Variants in PPP1R16B observed in about 807,000 individuals in gnomAD.
PPP1R16B encodes protein phosphatase 1 regulatory subunit 16B.
Under a neutral mutation model 61.7 loss-of-function variants are expected in PPP1R16B, and 14 were observed. The observed-to-expected ratio is 0.23, with a 90% CI of 0.15 to 0.35. The LOEUF is 0.35. Ranked by LOEUF, PPP1R16B falls within the 10% of genes least tolerant of loss-of-function variation. The probability of loss-of-function intolerance (pLI) is 1.00; values close to 1 mark genes in which losing one functional copy is unlikely to be tolerated. For missense variants in PPP1R16B, 547 were observed against 752.5 expected (o/e 0.73, Z 3.19); for synonymous variants, 266 against 305.3 (o/e 0.87, Z 1.34).
intron 2 of PPP1R16B, among the ~76,000 whole-genome samples, chr20:38,884,187 G>A (rs1568673319): frequency 6.6e-6 from 1 of 152,244 alleles, no homozygotes; most frequent in Admixed American, 6.5e-5. Flanking sequence ...GAGATGAGCC[G>A]GGAGAGGTAG....
intron 10 of PPP1R16B, among the ~76,000 whole-genome samples, chr20:38,915,118 A>G (rs540762622): frequency 6.6e-6 from 1 of 152,296 alleles, no homozygotes; most frequent in South Asian, 2.1e-4. Context: ...AGTGTGGTAC[A>G]TATGTTATCA....
intron 4 of PPP1R16B, among the ~76,000 whole-genome samples, chr20:38,896,045 T>C (rs148053113): frequency 1.6e-5 from 2 of 128,842 alleles, no homozygotes; most frequent in African/African-American, 7.2e-5. Flanking sequence ...CTTCTTTCTT[T>C]TCTCCCTTCC....
chr20:38,840,925 C>T (rs747132583), intron 2 of PPP1R16B, among the ~76,000 whole-genome samples: 3 of 152,114 alleles, frequency 2.0e-5, no homozygotes, highest in African/African-American at 4.8e-5. Flanking sequence ...GTCAGAGCTA[C>T]GTAAGTGGTA....
chr20:38,895,306 A>C (rs748285027), intron 3 of PPP1R16B, among the ~76,000 whole-genome samples: 2 of 152,156 alleles, frequency 1.3e-5, no homozygotes, highest in Non-Finnish European at 2.9e-5. Context: ...TAGCTGACAG[A>C]GTGTTTTTTA....
chr20:38,842,312 T>A (rs2084913469), intron 2 of PPP1R16B, among the ~76,000 whole-genome samples: 1 of 152,228 alleles, frequency 6.6e-6, no homozygotes, highest in Non-Finnish European at 1.5e-5. Context: ...GCCCTTTGAT[T>A]TGGGGCCCCC....
chr20:38,863,676 G>A (rs1230377396), intron 2 of PPP1R16B, among the ~76,000 whole-genome samples: 1 of 152,210 alleles, frequency 6.6e-6, no homozygotes, highest in African/African-American at 2.4e-5. Context: ...GGAATTGCGA[G>A]AATTAAATGA....
intron 2 of PPP1R16B, among the ~76,000 whole-genome samples, chr20:38,875,146 C>T (rs916062451): frequency 6.6e-6 from 1 of 152,156 alleles, no homozygotes; most frequent in Non-Finnish European, 1.5e-5. Flanking sequence ...CCTGCAGGTC[C>T]GAGAGCTCAG....
At chr20:38,837,071 G>C (rs184880667) in intron 2 of PPP1R16B, among the ~76,000 whole-genome samples, 6 of 152,324 alleles carry the variant, frequency 3.9e-5, no homozygotes, top group Non-Finnish European at 7.3e-5. Flanking sequence ...GGCACCCTCT[G>C]AATGCTGTTC....
chr20:38,871,686 GA>G (rs2085131157), intron 2 of PPP1R16B, among the ~76,000 whole-genome samples: 1 of 140,336 alleles, frequency 7.1e-6, no homozygotes, highest in Admixed American at 7.1e-5. Flanking sequence ...AGGAGGGAGG[GA>G]GGGAAAGAAA....
At chr20:38,895,422 A>C in intron 3 of PPP1R16B, 143 bp from the exon 4 acceptor site, 1 of 962,856 alleles carries the variant, frequency 1.0e-6, no homozygotes, top group South Asian at 1.7e-5. Flanking sequence ...CAATGCTTAC[A>C]GTGTGAACAT....
At chr20:38,821,718 A>T (rs1418928756) in intron 1 of PPP1R16B, among the ~76,000 whole-genome samples, 1 of 152,128 alleles carries the variant, frequency 6.6e-6, no homozygotes, top group Non-Finnish European at 1.5e-5. Flanking sequence ...TGTAATTTCT[A>T]TGTTGCTGCT....
chr20:38,809,483 T>C (rs2084684257), intron 1 of PPP1R16B, among the ~76,000 whole-genome samples: 1 of 152,000 alleles, frequency 6.6e-6, no homozygotes, highest in African/African-American at 2.4e-5. Context: ...AGACAGATAA[T>C]GAGGACACTG....
intron 1 of PPP1R16B, among the ~76,000 whole-genome samples, chr20:38,829,837 G>A (rs1005068508): frequency 6.6e-5 from 10 of 152,196 alleles, no homozygotes; most frequent in East Asian, 5.8e-4. Flanking sequence ...GTCTATTGGG[G>A]GAAACTAGGT....
At chr20:38,851,783 G>A (rs1162186925) in intron 2 of PPP1R16B, among the ~76,000 whole-genome samples, 1 of 152,234 alleles carries the variant, frequency 6.6e-6, no homozygotes, top group Non-Finnish European at 1.5e-5. Flanking sequence ...CACTTTGGGA[G>A]GCCAAGACAG....
At chr20:38,820,621 C>T (rs567471295) in intron 1 of PPP1R16B, among the ~76,000 whole-genome samples, 339 of 151,826 alleles carry the variant, frequency 2.2e-3, no homozygotes, top group African/African-American at 7.7e-3. Context: ...GATTATAGGA[C>T]ATGCCCGTGT....
At chr20:38,811,676 C>T (rs2084701542) in intron 1 of PPP1R16B, among the ~76,000 whole-genome samples, 1 of 152,176 alleles carries the variant, frequency 6.6e-6, no homozygotes, top group African/African-American at 2.4e-5. Flanking sequence ...GGCAGTTTGA[C>T]CCTCCCCAGG....
At chr20:38,853,665 A>G (rs2084983883) in intron 2 of PPP1R16B, among the ~76,000 whole-genome samples, 1 of 152,240 alleles carries the variant, frequency 6.6e-6, no homozygotes, top group Non-Finnish European at 1.5e-5. Context: ...GATTGAAACA[A>G]CAACTTCTTA....
intron 10 of PPP1R16B, among the ~76,000 whole-genome samples, chr20:38,914,284 TG>T (rs1181919182): frequency 6.6e-6 from 1 of 152,156 alleles, no homozygotes; most frequent in African/African-American, 2.4e-5. Flanking sequence ...GGACTGTGTT[TG>T]GGTTGTCCTA....
At chr20:38,844,596 C>A (rs1045025291) in intron 2 of PPP1R16B, among the ~76,000 whole-genome samples, 1 of 152,130 alleles carries the variant, frequency 6.6e-6, no homozygotes, top group Non-Finnish European at 1.5e-5. Flanking sequence ...GACATGTACT[C>A]AAGGATTAAG....
Sources: gnomAD v4.1 joint callset for allele counts (sites outside exome capture counted in the v4.1 genomes callset) on GRCh38, gnomAD v4.1.1 for gene constraint, MANE v1.5 for transcripts, NCBI Gene and HGNC (gene_info 2026-07-23, HGNC 2026-07-21) for gene names.